The following FGF14 variants were observed in gnomAD, a reference collection of about 807,000 sequenced individuals.
The protein encoded by FGF14 is fibroblast growth factor 14.
FGF14 carries 5 observed loss-of-function variants against 25.5 expected under a neutral mutation model. The ratio of observed to expected loss-of-function variants is 0.20; its 90% CI spans 0.10 to 0.41. The LOEUF is 0.41. FGF14 is among the 10% of genes least tolerant of loss of function. The pLI is 1.00. For synonymous variants in FGF14, 138 were observed against 118.3 expected, an observed-to-expected ratio of 1.17 and a Z score of -1.08; for missense variants, 222 against 320.1, an observed-to-expected ratio of 0.69 and a Z score of 2.34.
chr13:102,277,081 A>C (rs762652828), intron 1 of FGF14, among the ~76,000 whole-genome samples: 1 of 152,224 alleles, frequency 6.6e-6, no homozygotes, highest in Non-Finnish European at 1.5e-5. Flanking sequence ...TATTTTGTAG[A>C]TTAATTTTAT....
At chr13:102,139,225 T>C (rs2046533470) in intron 1 of FGF14, among the ~76,000 whole-genome samples, 1 of 151,034 alleles carries the variant, frequency 6.6e-6, no homozygotes, top group African/African-American at 2.4e-5. Flanking sequence ...GTCTCAGTTT[T>C]CTCATCTATG....
chr13:102,379,480 G>T (rs916764274), intron 1 of FGF14, among the ~76,000 whole-genome samples: 23 of 151,416 alleles, frequency 1.5e-4, no homozygotes, highest in African/African-American at 5.6e-4. Flanking sequence ...ATATATGGGT[G>T]TGTGTATATA....
intron 3 of FGF14, among the ~76,000 whole-genome samples, chr13:101,868,209 G>T (rs1459264925): frequency 6.6e-6 from 1 of 152,102 alleles, no homozygotes; most frequent in African/African-American, 2.4e-5. Context: ...AAATATTTCA[G>T]AAGAGGTCAT....
At chr13:101,868,491 T>C in intron 3 of FGF14, 1 of 472,062 alleles carries the variant, frequency 2.1e-6, no homozygotes, top group South Asian at 2.1e-5. Flanking sequence ...CTAGGTTATT[T>C]TTTAAAATAT....
At chr13:102,161,607 G>GTC (rs2047683681) in intron 1 of FGF14, among the ~76,000 whole-genome samples, 1 of 2,696 alleles carries the variant, frequency 3.7e-4, no homozygotes, top group African/African-American at 4.8e-3. Context: ...AGAAGAAGAA[G>GTC]AAGAAGAAGA....
At chr13:101,920,271 C>T (rs369718182), upstream of FGF14, among the ~76,000 whole-genome samples, 18 of 152,096 alleles carry the variant, frequency 1.2e-4, no homozygotes, top group Admixed American at 3.9e-4. Flanking sequence ...TTACCTTTGA[C>T]GTTATAAAGA....
At chr13:102,243,534 AC>A (rs1350287084) in intron 1 of FGF14, among the ~76,000 whole-genome samples, 3 of 152,112 alleles carry the variant, frequency 2.0e-5, no homozygotes, top group Non-Finnish European at 4.4e-5. Flanking sequence ...ATTTTCAAGT[AC>A]TGATATAAAA....
intron 1 of FGF14, among the ~76,000 whole-genome samples, chr13:101,900,311 T>G (rs2031357583): frequency 6.6e-6 from 1 of 151,828 alleles, no homozygotes; most frequent in Non-Finnish European, 1.5e-5. Flanking sequence ...CTAAAGGAAT[T>G]AAAAACAAAT....
intron 1 of FGF14, among the ~76,000 whole-genome samples, chr13:102,071,998 T>C (rs2043174493): frequency 1.3e-5 from 2 of 152,046 alleles, no homozygotes; most frequent in Non-Finnish European, 2.9e-5. Context: ...AAAATATAAA[T>C]AGCAAGGACT....
chr13:102,284,354 T>G (rs9518694), intron 1 of FGF14, among the ~76,000 whole-genome samples: 119,719 of 152,124 alleles, frequency 0.79, 47,978 homozygotes, highest in African/African-American at 0.94. Context: ...GGGAATGACT[T>G]AGGGTTGCTG....
At chr13:101,979,658 T>C (rs532609748) in intron 1 of FGF14, among the ~76,000 whole-genome samples, 1 of 152,264 alleles carries the variant, frequency 6.6e-6, no homozygotes. Flanking sequence ...AAGAAGGTAT[T>C]TTAAAATGCA....
At chr13:101,917,012 T>C (rs1336777554), upstream of FGF14, among the ~76,000 whole-genome samples, 1 of 151,650 alleles carries the variant, frequency 6.6e-6, no homozygotes, top group Non-Finnish European at 1.5e-5. Context: ...TCGCGCTGCC[T>C]TCTCGCCCTG....
intron 1 of FGF14, among the ~76,000 whole-genome samples, chr13:102,058,626 G>C (rs41505644): frequency 0.5 from 76,268 of 151,970 alleles, 19,839 homozygotes; most frequent in East Asian, 0.69. Context: ...TTACCTCTTA[G>C]TGTGTCATCC....
chr13:101,788,565 G>C (rs1026904696), intron 3 of FGF14, among the ~76,000 whole-genome samples: 1 of 151,844 alleles, frequency 6.6e-6, no homozygotes, highest in Admixed American at 6.6e-5. Flanking sequence ...AGACAAATTC[G>C]ATTCCTTTAA....
At chr13:101,773,216 T>C (rs979496102) in intron 3 of FGF14, among the ~76,000 whole-genome samples, 16 of 152,182 alleles carry the variant, frequency 1.1e-4, no homozygotes, top group Non-Finnish European at 8.8e-5. Flanking sequence ...TTTTAAAACA[T>C]ATTGAATTAT....
intron 1 of FGF14, among the ~76,000 whole-genome samples, chr13:101,912,072 A>G (rs2033001302): frequency 6.6e-6 from 1 of 150,386 alleles, no homozygotes; most frequent in South Asian, 2.1e-4. Flanking sequence ...TTGTTTCCTT[A>G]CATAGCACCT....
chr13:102,158,121 C>G (rs1178680185), intron 1 of FGF14, among the ~76,000 whole-genome samples: 1 of 152,174 alleles, frequency 6.6e-6, no homozygotes, highest in Non-Finnish European at 1.5e-5. Flanking sequence ...GGCGATTCCT[C>G]AGGGATCTAG....
At chr13:102,000,732 A>C (rs1328248677) in intron 1 of FGF14, among the ~76,000 whole-genome samples, 1 of 152,146 alleles carries the variant, frequency 6.6e-6, no homozygotes, top group East Asian at 1.9e-4. Flanking sequence ...TGTGTTCCCA[A>C]ATGCAAATGC....
intron 1 of FGF14, among the ~76,000 whole-genome samples, chr13:101,900,930 A>G (rs1014777982): frequency 7.9e-5 from 12 of 152,316 alleles, no homozygotes; most frequent in Admixed American, 7.8e-4. Context: ...TCTTCAATAT[A>G]TAGGTTATTT....
Sources: allele counts gnomAD v4.1 joint callset (sites outside exome capture counted in the v4.1 genomes callset), GRCh38; gene constraint gnomAD v4.1.1; transcripts MANE v1.5; gene names NCBI Gene and HGNC (gene_info 2026-07-23, HGNC 2026-07-21).